The following MAML2 variants were observed in gnomAD, a reference collection of about 807,000 sequenced individuals.
MAML2 encodes the protein mastermind-like protein 2.
Under a neutral mutation model 96.1 loss-of-function variants are expected in MAML2, and 22 were observed. The ratio of observed to expected loss-of-function variants is 0.23; its 90% CI spans 0.16 to 0.33. The LOEUF (loss-of-function observed/expected upper bound fraction) is 0.33, where lower values mean the gene tolerates loss of function less well. Ranked by LOEUF, MAML2 falls within the 10% of genes least tolerant of loss-of-function variation. The probability of loss-of-function intolerance (pLI) is 1.00; values close to 1 mark genes in which losing one functional copy is unlikely to be tolerated. For synonymous variants in MAML2, 561 were observed against 521.3 expected, an observed-to-expected ratio of 1.08 and a Z score of -1.04; for missense variants, 1,367 against 1,392.4, an observed-to-expected ratio of 0.98 and a Z score of 0.29.
At chr11:96,096,785 C>A (rs1317836210) in intron 1 of MAML2, among the ~76,000 whole-genome samples, 1 of 152,166 alleles carries the variant, frequency 6.6e-6, no homozygotes, top group Non-Finnish European at 1.5e-5. Flanking sequence ...AAATAACAAG[C>A]ACTAAAGGAG....
intron 1 of MAML2, among the ~76,000 whole-genome samples, chr11:96,183,404 C>CCCCG (rs1184275324): frequency 3.2e-4 from 4 of 12,542 alleles, no homozygotes; most frequent in Non-Finnish European, 3.8e-4. Context: ...CCCCCCCCCC[C>CCCCG]CTTTCTTTTG....
intron 2 of MAML2, among the ~76,000 whole-genome samples, chr11:96,070,088 G>A (rs1405467473): frequency 4.6e-5 from 7 of 151,614 alleles, no homozygotes; most frequent in Non-Finnish European, 5.9e-5. Flanking sequence ...TCAGGAGATC[G>A]AGACCATCCT....
intron 1 of MAML2, among the ~76,000 whole-genome samples, chr11:96,201,344 C>A (rs902863452): frequency 6.6e-6 from 1 of 152,094 alleles, no homozygotes; most frequent in African/African-American, 2.4e-5. Context: ...AGGACCGTTC[C>A]CTCCCCAATT....
chr11:96,034,118 T>A (rs1162343612), intron 2 of MAML2, among the ~76,000 whole-genome samples: 1 of 152,200 alleles, frequency 6.6e-6, no homozygotes, highest in Non-Finnish European at 1.5e-5. Context: ...AGTGGAAGCA[T>A]TGAATCTACT....
intron 2 of MAML2, among the ~76,000 whole-genome samples, chr11:96,091,561 A>G (rs189024754): frequency 6.6e-6 from 1 of 152,294 alleles, no homozygotes; most frequent in East Asian, 1.9e-4. Context: ...CATTGACTTA[A>G]TGACTAATTT....
In MAML2 at chr11:95,976,884, T is replaced by G. The variant is rs554639483; in HGVS notation, c.*2064A>C. 1 of 188,794 alleles carries G rather than the reference T, an allele frequency of 5.3e-6. No individual in the cohort carries two copies. Among genetic ancestry groups the G allele is most frequent in the Non-Finnish European group, 1.1e-5 (1 of 89,780 alleles). The allele number at this position is 188,794 out of a possible 1,614,324, so 11.7% of individuals were successfully genotyped here. A position where few individuals can be genotyped will look rare whatever the true frequency, so the allele number is the denominator to read the frequency against. On this transcript the variant is annotated 3_prime_UTR_variant, in exon 5 of 5. Coordinates refer to ENST00000524717, the MANE Select transcript of MAML2 (RefSeq NM_032427.4). ...TTTTGTATGGAGAAATGCTGCCTTA[T>G]AAAATCGGAAAACACACAGTAGACT...
rs76816143 is a variant in MAML2, at chr11:96,021,398, T to C, written c.2140-29675A>G. On this transcript the variant is annotated intron_variant, in intron 2 of 4. Coordinates refer to ENST00000524717, the MANE Select transcript of MAML2 (RefSeq NM_032427.4). ...CCCAACTAGAGGGGGAGGATACGAA[T>C]CCATCATGACCCCAGCAGATGAAAG... 9.0e-3 allele frequency among the ~76,000 whole-genome samples: 1,378 copies of C among 152,318 alleles called. 18 individuals carry two copies. Among genetic ancestry groups the C allele is most frequent in the East Asian group, 0.048 (247 of 5,180 alleles).
chr11:96,055,991 T>A (rs905928984), intron 2 of MAML2, among the ~76,000 whole-genome samples: 2 of 152,154 alleles, frequency 1.3e-5, no homozygotes, highest in Non-Finnish European at 2.9e-5. Context: ...GGTTTCCTTG[T>A]TTTATATTAT....
At chr11:96,054,369 T>C (rs1215097984) in intron 2 of MAML2, among the ~76,000 whole-genome samples, 4 of 151,674 alleles carry the variant, frequency 2.6e-5, no homozygotes, top group South Asian at 4.2e-4. Context: ...GTTTCAAAAA[T>C]GTGAAACAAC....
Position 96,084,229 on chromosome 11 carries a change from A to T in MAML2, c.2139+7663T>A, listed in dbSNP as rs537043861. Among the ~76,000 whole-genome samples, 38 of 152,272 alleles carry T rather than the reference A, an allele frequency of 2.5e-4. 1 individual carries two copies. In the South Asian group the frequency reaches 5.8e-3, roughly 23 times the overall value. Reference sequence around the variant, plus strand: ...CTTTGGAGACTTCGGCAGGATTCAGATCATACAGGGCTTTATAAGCTGCCT... The same window carrying T: ...CTTTGGAGACTTCGGCAGGATTCAGTTCATACAGGGCTTTATAAGCTGCCT... On this transcript the variant is annotated intron_variant, in intron 2 of 4. Transcript: ENST00000524717.
chr11:96,334,951 G>T (rs1280682742), intron 1 of MAML2, among the ~76,000 whole-genome samples: 15 of 152,210 alleles, frequency 9.9e-5, no homozygotes. Context: ...ATAGGGAAGT[G>T]GAATAGCTTT....
At chr11:96,139,104 ATATATTGG>A (rs1860688593) in intron 1 of MAML2, among the ~76,000 whole-genome samples, 1 of 152,212 alleles carries the variant, frequency 6.6e-6, no homozygotes, top group Non-Finnish European at 1.5e-5. Flanking sequence ...TTTTCCATAT[ATATATTGG>A]TAATGTTCCA....
chr11:96,180,882 T>C lies in MAML2; in HGVS notation c.514-87365A>G, dbSNP rs548740673. On this transcript the variant is annotated intron_variant, in intron 1 of 4. Transcript: ENST00000524717. ...GTGGGGCCGTTTTATAGGATTTGTA[T>C]AGGTAAAGGAAAATTACAGTCAAAG... is the stretch of plus-strand genomic sequence containing the variant. Among the ~76,000 whole-genome samples the C allele has an allele frequency of 2.7e-5, 4 of 150,112 alleles. No homozygotes were observed. The South Asian group carries it at 6.3e-4, about 24-fold the overall frequency.
chr11:96,318,350 T>C (rs1863658452), intron 1 of MAML2, among the ~76,000 whole-genome samples: 1 of 152,190 alleles, frequency 6.6e-6, no homozygotes, highest in Non-Finnish European at 1.5e-5. Flanking sequence ...TAAAATCCGA[T>C]ATGATCGGAC....
At chr11:96,127,675 T>C (rs1487055027) in intron 1 of MAML2, among the ~76,000 whole-genome samples, 3 of 152,204 alleles carry the variant, frequency 2.0e-5, no homozygotes, top group East Asian at 3.8e-4. Context: ...AAGTTTAGAG[T>C]AAAAACACAT....
chr11:96,067,714 T>G (rs1339585879), intron 2 of MAML2, among the ~76,000 whole-genome samples: 2 of 152,206 alleles, frequency 1.3e-5, no homozygotes, highest in African/African-American at 4.8e-5. Context: ...AATATGATAT[T>G]TCACATTAAT....
intron 1 of MAML2, among the ~76,000 whole-genome samples, chr11:96,177,395 T>A (rs930749217): frequency 6.6e-6 from 1 of 152,228 alleles, no homozygotes; most frequent in Non-Finnish European, 1.5e-5. Flanking sequence ...CAGGCATGCA[T>A]GTGATATGTA....
intron 2 of MAML2, among the ~76,000 whole-genome samples, chr11:96,078,524 A>G (rs781009478): frequency 2.2e-4 from 33 of 152,230 alleles, no homozygotes; most frequent in Non-Finnish European, 3.7e-4. Flanking sequence ...CGGTTCAGAG[A>G]GCAGGTATCT....
chr11:96,105,297 C>T (rs1484366339), intron 1 of MAML2, among the ~76,000 whole-genome samples: 1 of 152,228 alleles, frequency 6.6e-6, no homozygotes, highest in Non-Finnish European at 1.5e-5. Context: ...TTCCACATCT[C>T]TCTCCATGGC....
Sources: gnomAD v4.1 joint callset for allele counts (sites outside exome capture counted in the v4.1 genomes callset) on GRCh38, gnomAD v4.1.1 for gene constraint, MANE v1.5 for transcripts, NCBI Gene and HGNC (gene_info 2026-07-23, HGNC 2026-07-21) for gene names.